The following SLC24A3 variants were observed in gnomAD, a reference collection of about 807,000 sequenced individuals.
The protein encoded by SLC24A3 is solute carrier family 24 member 3, also known as sodium/potassium/calcium exchanger 3.
A neutral mutation model predicts 75.8 loss-of-function variants in SLC24A3; 28 were observed. The ratio of observed to expected loss-of-function variants is 0.37; its 90% CI spans 0.27 to 0.51. The LOEUF (loss-of-function observed/expected upper bound fraction) is 0.51. Ranked by LOEUF, SLC24A3 falls within the 20% of genes least tolerant of loss-of-function variation. SLC24A3 has a pLI of 0.94. For synonymous variants in SLC24A3, 372 were observed against 334.1 expected, an observed-to-expected ratio of 1.11 and a Z score of -1.24; for missense variants, 663 against 847.8, an observed-to-expected ratio of 0.78 and a Z score of 2.71.
chr20:19,536,133 T>C (rs2030391961), intron 3 of SLC24A3, among the ~76,000 whole-genome samples: 1 of 152,108 alleles, frequency 6.6e-6, no homozygotes, highest in Non-Finnish European at 1.5e-5. Context: ...CTGATGGAGA[T>C]TATGTGGGGC....
intron 2 of SLC24A3, among the ~76,000 whole-genome samples, chr20:19,439,790 G>A (rs6046097): frequency 3.3e-5 from 5 of 152,158 alleles, no homozygotes; most frequent in South Asian, 2.1e-4. Flanking sequence ...TCGCTGATCC[G>A]AGTGATTGAT....
intron 3 of SLC24A3, among the ~76,000 whole-genome samples, chr20:19,531,432 A>G (rs915246540): frequency 9.2e-5 from 14 of 152,246 alleles, no homozygotes; most frequent in African/African-American, 2.9e-4. Context: ...CTGGGCCATT[A>G]AGAGGAGGAG....
intron 1 of SLC24A3, among the ~76,000 whole-genome samples, chr20:19,275,230 A>G (rs1486358597): frequency 6.6e-6 from 1 of 152,172 alleles, no homozygotes; most frequent in Non-Finnish European, 1.5e-5. Context: ...CAGGTGAGAA[A>G]CACATACCTG....
Position 19,305,065 on chromosome 20 carries a change from T to C in SLC24A3, c.271+23978T>C, listed in dbSNP as rs1226013910. Among the ~76,000 whole-genome samples, 3 of 152,178 alleles carry C rather than the reference T, an allele frequency of 2.0e-5. No homozygotes were observed. The East Asian group carries it at 5.8e-4, about 29-fold the overall frequency. ...GAGCGGCTCCCCATGAAGGATCAACTCTGCCATGGGCTGTCACATCCCTGG... is the reference window on the plus strand; with the variant it reads ...GAGCGGCTCCCCATGAAGGATCAACCCTGCCATGGGCTGTCACATCCCTGG... On this transcript the variant is annotated intron_variant, in intron 2 of 16. Transcript: ENST00000328041.
intron 3 of SLC24A3, among the ~76,000 whole-genome samples, chr20:19,540,628 C>A (rs1013927950): frequency 6.6e-6 from 1 of 152,186 alleles, no homozygotes; most frequent in Non-Finnish European, 1.5e-5. Flanking sequence ...ACACGCCACA[C>A]GTGGGTGGTT....
rs886340973 is a variant in SLC24A3 at position 19,722,562 on chromosome 20, A to T, written c.*1422A>T. ...ACACCATGCTTGTTCACTTGTATTT[A>T]TTGAAACTGTGGATTCTTGCCCGTG... is the stretch of plus-strand genomic sequence containing the variant. On this transcript the variant is annotated 3_prime_UTR_variant, in exon 17 of 17. Coordinates refer to ENST00000328041, the MANE Select transcript of SLC24A3 (RefSeq NM_020689.4). 6.6e-6 allele frequency: 1 copy of T among 152,664 alleles called. No individual in the cohort carries two copies. 9.5% of individuals were successfully genotyped at this position (152,664 alleles called of 1,614,324 possible).
At chr20:19,424,745 C>CAAAAAAAAAAAAAA (rs528342351) in intron 2 of SLC24A3, among the ~76,000 whole-genome samples, 3 of 49,158 alleles carry the variant, frequency 6.1e-5, no homozygotes, top group Non-Finnish European at 1.1e-4. Flanking sequence ...AAAACAACAA[C>CAAAAAAAAAAAAAA]AAAAAAAAAA....
rs2033112962 is a variant in SLC24A3 at position 19,722,343 on chromosome 20, T to G, written c.*1203T>G. On this transcript the variant is annotated 3_prime_UTR_variant, in exon 17 of 17. Coordinates refer to ENST00000328041, the MANE Select transcript of SLC24A3 (RefSeq NM_020689.4). The stretch of plus-strand genomic sequence containing the variant: ...CGCCAAGCCGGCCCAGCTGCACCCC[T>G]CCCTTCCTGGAGGGATGGCCAGGGA... The G allele has an allele frequency of 6.5e-6, 1 of 152,780 alleles. No homozygotes were observed. The highest frequency in any genetic ancestry group is 1.5e-5 in the Non-Finnish European group (1 of 68,166). 9.5% of individuals were successfully genotyped at this position (152,780 alleles called of 1,614,324 possible). A position where few individuals can be genotyped will look rare whatever the true frequency, so the allele number is the denominator to read the frequency against.
At chr20:19,470,890 T>C (rs1237164609) in intron 2 of SLC24A3, among the ~76,000 whole-genome samples, 1 of 152,084 alleles carries the variant, frequency 6.6e-6, no homozygotes, top group East Asian at 1.9e-4. Context: ...ACCAGTGTGG[T>C]AAGTAACATA....
At chr20:19,393,708 T>A (rs1032544915) in intron 2 of SLC24A3, among the ~76,000 whole-genome samples, 2 of 152,292 alleles carry the variant, frequency 1.3e-5, no homozygotes, top group South Asian at 2.1e-4. Flanking sequence ...AGAAATTTTT[T>A]AAAAATGTAA....
chr20:19,344,897 A>G (rs921278593), intron 2 of SLC24A3, among the ~76,000 whole-genome samples: 2 of 152,212 alleles, frequency 1.3e-5, no homozygotes, highest in Non-Finnish European at 2.9e-5. Flanking sequence ...GTGAGAAACT[A>G]GATACTTTAC....
intron 3 of SLC24A3, among the ~76,000 whole-genome samples, chr20:19,520,549 C>T (rs1252090837): frequency 2.0e-5 from 3 of 152,176 alleles, no homozygotes; most frequent in Non-Finnish European, 2.9e-5. Flanking sequence ...CTCTCTACGG[C>T]GCAGGTCATT....
At chr20:19,535,806 C>T (rs56863537) in intron 3 of SLC24A3, among the ~76,000 whole-genome samples, 14,941 of 152,080 alleles carry the variant, frequency 0.098, 791 homozygotes, top group South Asian at 0.11. Flanking sequence ...AACATAACAT[C>T]ACAGACTAGG....
chr20:19,435,536 G>A (rs532285381), intron 2 of SLC24A3, among the ~76,000 whole-genome samples: 4 of 152,292 alleles, frequency 2.6e-5, no homozygotes, highest in African/African-American at 9.6e-5. Context: ...TAGATGATGT[G>A]CTCACAGTTC....
At chr20:19,235,021 T>G (rs1982124731) in intron 1 of SLC24A3, among the ~76,000 whole-genome samples, 1 of 152,240 alleles carries the variant, frequency 6.6e-6, no homozygotes, top group African/African-American at 2.4e-5. Context: ...TAAATGCTGC[T>G]GAGCAGTTAA....
At chr20:19,606,641 A>G (rs763967824) in intron 6 of SLC24A3, among the ~76,000 whole-genome samples, 1 of 152,184 alleles carries the variant, frequency 6.6e-6, no homozygotes, top group Non-Finnish European at 1.5e-5. Context: ...AATCCCTCAT[A>G]TGTAGGAGGG....
At chr20:19,222,784 C>CCTTCCTTCCTTCCTTCCTTCCTTA in intron 1 of SLC24A3, among the ~76,000 whole-genome samples, 1 of 48,624 alleles carries the variant, frequency 2.1e-5, no homozygotes, top group Non-Finnish European at 4.0e-5. Flanking sequence ...CCCCTCCCTC[C>CCTTCCTTCCTTCCTTCCTTCCTTA]CTTCCTTCCT....
At chr20:19,385,728 AC>A (rs771657372) in intron 2 of SLC24A3, among the ~76,000 whole-genome samples, 1 of 150,962 alleles carries the variant, frequency 6.6e-6, no homozygotes, top group Non-Finnish European at 1.5e-5. Flanking sequence ...TGCAGCCTCA[AC>A]CTCCTGGGCT....
intron 6 of SLC24A3, among the ~76,000 whole-genome samples, chr20:19,627,056 C>A (rs934798532): frequency 6.6e-6 from 1 of 152,198 alleles, no homozygotes; most frequent in Non-Finnish European, 1.5e-5. Context: ...AGGAGCGAAG[C>A]CACTTAGAGC....
Sources: gnomAD v4.1 joint callset for allele counts (sites outside exome capture counted in the v4.1 genomes callset) on GRCh38, gnomAD v4.1.1 for gene constraint, MANE v1.5 for transcripts, NCBI Gene and HGNC (gene_info 2026-07-23, HGNC 2026-07-21) for gene names.